Variants in TANC1 observed in about 807,000 individuals in gnomAD.
The protein encoded by TANC1 is tetratricopeptide repeat, ankyrin repeat and coiled-coil containing 1.
A neutral mutation model predicts 149.7 loss-of-function variants in TANC1; 77 were observed. The ratio of observed to expected loss-of-function variants is 0.51; its 90% CI spans 0.43 to 0.62. The LOEUF (loss-of-function observed/expected upper bound fraction) is 0.62, where lower values mean the gene tolerates loss of function less well. Ranked by LOEUF, TANC1 falls within the 20% of genes least tolerant of loss-of-function variation. The pLI is 0.00. For synonymous variants in TANC1, 854 were observed against 925.0 expected (o/e 0.92, Z 1.39); for missense variants, 1,985 against 2,321.8 (o/e 0.85, Z 2.98).
Position 159,179,070 on chromosome 2 carries a change from G to T in TANC1, c.2417G>T (p.Arg806Leu). 6.2e-7 allele frequency: 1 copy of T among 1,613,874 alleles called. No individual in the cohort carries two copies. Among genetic ancestry groups the T allele is most frequent in the South Asian group, 1.1e-5 (1 of 91,066 alleles). The change falls in exon 14 of 27, where the codon CGA becomes CTA. Residue 806 changes from arginine (R) to leucine (L), a missense_variant. Coordinates refer to ENST00000263635, the MANE Select transcript of TANC1 (RefSeq NM_033394.3). Reference protein sequence around the residue: ...DALSCFLIKRRDKTRMFCHPS... With the variant: ...DALSCFLIKRLDKTRMFCHPS... Reference sequence around the variant, plus strand: ...CTCTCCTGCTTCCTCATTAAGAGGCGAGACAAAACCCGCATGTTCTGCCAC... The same window carrying T: ...CTCTCCTGCTTCCTCATTAAGAGGCTAGACAAAACCCGCATGTTCTGCCAC...
chr2:159,117,316 C>T (rs182878254), intron 4 of TANC1, among the ~76,000 whole-genome samples: 3 of 152,288 alleles, frequency 2.0e-5, no homozygotes, highest in Admixed American at 1.3e-4. Context: ...TACCAAGTCT[C>T]CTCTTATTAA....
intron 1 of TANC1, among the ~76,000 whole-genome samples, chr2:158,980,605 T>C (rs2034189320): frequency 6.6e-6 from 1 of 151,838 alleles, no homozygotes; most frequent in South Asian, 2.1e-4. Flanking sequence ...TGAAACCCCG[T>C]CTCTACTAAA....
intron 7 of TANC1, among the ~76,000 whole-genome samples, chr2:159,159,631 C>T (rs529805328): frequency 2.0e-5 from 3 of 151,424 alleles, no homozygotes; most frequent in South Asian, 2.1e-4. Context: ...TTTAAAAATA[C>T]GCTGTATGTA....
chr2:159,083,874 GA>G (rs1364104564), intron 3 of TANC1, among the ~76,000 whole-genome samples: 1 of 151,338 alleles, frequency 6.6e-6, no homozygotes, highest in African/African-American at 2.4e-5. Flanking sequence ...ACTGAGCAGT[GA>G]ATTTTTTTTT....
At chr2:159,128,230 C>T (rs2049682772) in intron 4 of TANC1, among the ~76,000 whole-genome samples, 1 of 152,198 alleles carries the variant, frequency 6.6e-6, no homozygotes, top group Non-Finnish European at 1.5e-5. Flanking sequence ...CCTTTTCATA[C>T]AAGGCCCCAG....
intron 2 of TANC1, among the ~76,000 whole-genome samples, chr2:159,035,958 C>T (rs1382562741): frequency 6.6e-6 from 1 of 152,174 alleles, no homozygotes; most frequent in Non-Finnish European, 1.5e-5. Context: ...TGTGGGTCCT[C>T]CGGACAGAGG....
At chr2:159,073,766 T>G (rs2043378381) in intron 3 of TANC1, among the ~76,000 whole-genome samples, 1 of 152,218 alleles carries the variant, frequency 6.6e-6, no homozygotes, top group Admixed American at 6.5e-5. Flanking sequence ...GTTTTCTATT[T>G]GCACTTCCTA....
intron 2 of TANC1, among the ~76,000 whole-genome samples, chr2:159,054,476 T>G (rs1172622724): frequency 6.6e-6 from 1 of 152,150 alleles, no homozygotes; most frequent in African/African-American, 2.4e-5. Context: ...GGGGAGGTTA[T>G]AACCTTGTTC....
At chr2:158,994,041 C>T (rs961400799) in intron 1 of TANC1, among the ~76,000 whole-genome samples, 2 of 152,202 alleles carry the variant, frequency 1.3e-5, no homozygotes, top group Non-Finnish European at 2.9e-5. Flanking sequence ...CCTAGTATCT[C>T]TAGTGCACTA....
At chr2:159,225,144 G>T (rs1171762437) in intron 23 of TANC1, 2 of 162,170 alleles carry the variant, frequency 1.2e-5, no homozygotes, top group Non-Finnish European at 2.7e-5. Context: ...CTTCCCCCAG[G>T]ACTGCCTTGT....
At position 159,196,658 on chromosome 2, in the gene TANC1, A is replaced by G. The variant is rs151188203; in HGVS notation, c.3030A>G (p.Leu1010=). ...AGTGTGCGCTTGTCCACAGTGCCCT[A>G]CGGGGCCACGGTGACATTCTCCAGT... The part of the protein sequence containing the change: ...KGQCALVHSA[L]RGHGDILQYL... The change falls in exon 18 of 27, where the codon CTA becomes CTG. Residue 1010 remains leucine (L), a synonymous_variant. Transcript: ENST00000263635. 1.2e-6 allele frequency: 2 copies of G among 1,613,974 alleles called. No homozygotes were observed. Among genetic ancestry groups the G allele is most frequent in the South Asian group, 1.1e-5 (1 of 91,060 alleles).
rs751133683 is a variant in TANC1, at chr2:159,185,814, T to G, written c.2534T>G (p.Phe845Cys). The change falls in exon 15 of 27, where the codon TTC (phenylalanine) becomes TGC (cysteine). Residue 845 changes from phenylalanine (F) to cysteine (C), a missense_variant. By Grantham distance (205) the Phe-to-Cys change is radical (BLOSUM62 -2). This residue lies in a region of TANC1 where 508 missense variants were observed against 714.2 expected (regional missense o/e 0.71). Coordinates refer to ENST00000263635, the MANE Select transcript of TANC1 (RefSeq NM_033394.3). ...EPRNGHALLAFMFSRQEGKLN... is the reference protein window; with the variant it reads ...EPRNGHALLACMFSRQEGKLN... ...AGGAACGGGCACGCGCTCTTGGCATTCATGTTCTCGCGTCAGGAGGGCAAG... is the reference window on the plus strand; with the variant it reads ...AGGAACGGGCACGCGCTCTTGGCATGCATGTTCTCGCGTCAGGAGGGCAAG... The G allele has an allele frequency of 6.2e-7, 1 of 1,614,076 alleles. No homozygotes were observed. Among genetic ancestry groups the G allele is most frequent in the Admixed American group, 1.7e-5 (1 of 60,022 alleles).
chr2:159,065,405 A>G (rs2042574173), intron 2 of TANC1, among the ~76,000 whole-genome samples: 1 of 152,222 alleles, frequency 6.6e-6, no homozygotes, highest in African/African-American at 2.4e-5. Flanking sequence ...TGTTTATAAG[A>G]TATGCCTCAT....
At chr2:159,160,419 T>C (rs1279904231) in intron 7 of TANC1, among the ~76,000 whole-genome samples, 1 of 152,196 alleles carries the variant, frequency 6.6e-6, no homozygotes, top group Non-Finnish European at 1.5e-5. Flanking sequence ...AGTGATTGAC[T>C]GGGTTAACCT....
chr2:159,097,628 C>A lies in TANC1; in HGVS notation c.62-9C>A. ...ATGGTTTAACCTAAGTATTCTCTCT[C>A]TACTCTAGGAAGTGACTTTGGTCCA... On this transcript the variant is annotated splice_polypyrimidine_tract_variant and intron_variant, in intron 3 of 26. Coordinates refer to ENST00000263635, the MANE Select transcript of TANC1 (RefSeq NM_033394.3). 1.2e-6 allele frequency: 2 copies of A among 1,607,720 alleles called. No homozygotes were observed. Among genetic ancestry groups the A allele is most frequent in the Non-Finnish European group, 1.7e-6 (2 of 1,174,332 alleles).
At chr2:159,119,421 C>A (rs886963366) in intron 4 of TANC1, among the ~76,000 whole-genome samples, 3 of 152,048 alleles carry the variant, frequency 2.0e-5, no homozygotes, top group South Asian at 2.1e-4. Context: ...AGATGGAGAT[C>A]AGTTTCAGTT....
intron 1 of TANC1, among the ~76,000 whole-genome samples, chr2:158,986,083 G>A (rs527684039): frequency 6.6e-5 from 10 of 152,312 alleles, no homozygotes; most frequent in African/African-American, 2.4e-4. Flanking sequence ...GTTTGGTGAC[G>A]TGGAACTTTT....
chr2:159,158,631 G>A (rs2053682713), intron 7 of TANC1, among the ~76,000 whole-genome samples: 1 of 152,182 alleles, frequency 6.6e-6, no homozygotes, highest in Non-Finnish European at 1.5e-5. Context: ...CCTTTTCCAT[G>A]AAGGTATGAG....
intron 14 of TANC1, among the ~76,000 whole-genome samples, chr2:159,184,617 G>A (rs1285448946): frequency 6.6e-6 from 1 of 152,198 alleles, no homozygotes; most frequent in Non-Finnish European, 1.5e-5. Context: ...TGAATCCTGG[G>A]ATCAGCCCAT....
Sources: allele counts gnomAD v4.1 joint callset (sites outside exome capture counted in the v4.1 genomes callset), GRCh38; gene constraint gnomAD v4.1.1; regional missense constraint gnomAD v4.1.1; transcripts MANE v1.5; gene names NCBI Gene and HGNC (gene_info 2026-07-23, HGNC 2026-07-21).